The following GALNT13 variants were observed in gnomAD, a reference collection of about 807,000 sequenced individuals.
The protein encoded by GALNT13 is polypeptide N-acetylgalactosaminyltransferase 13, also known as UDP-GalNAc:polypeptide N-acetylgalactosaminyltransferase 13.
In GALNT13, 28 loss-of-function variants were observed where a neutral mutation model predicts 64.2. That is an observed-to-expected ratio of 0.44 (90% confidence interval 0.32 to 0.60). The LOEUF is 0.60. Ranked by LOEUF, GALNT13 falls within the 20% of genes least tolerant of loss-of-function variation. The pLI, the probability that GALNT13 is intolerant of heterozygous loss-of-function variation, is 0.05. For synonymous variants in GALNT13, 214 were observed against 224.6 expected (o/e 0.95, Z 0.42); for missense variants, 577 against 669.8 (o/e 0.86, Z 1.53).
At chr2:154,029,671 A>ATGGGTCTTGTACAT (rs2105302848) in intron 3 of GALNT13, among the ~76,000 whole-genome samples, 1 of 152,308 alleles carries the variant, frequency 6.6e-6, no homozygotes, top group South Asian at 2.1e-4. Context: ...GACGTGTACA[A>ATGGGTCTTGTACAT]TGGCAAGAAA....
chr2:153,180,365 A>G, the GALNT13 span, among the ~76,000 whole-genome samples: 2 of 152,170 alleles, frequency 1.3e-5, no homozygotes, highest in Non-Finnish European at 2.9e-5. Flanking sequence ...CTTGTATCAC[A>G]TGAATAAATC....
chr2:153,964,945 T>C (rs1174446734), intron 3 of GALNT13, among the ~76,000 whole-genome samples: 1 of 152,134 alleles, frequency 6.6e-6, no homozygotes, highest in African/African-American at 2.4e-5. Flanking sequence ...TTGTCATGAA[T>C]TTTCATGTAG....
chr2:154,001,293 T>C (rs1695887214), intron 3 of GALNT13, among the ~76,000 whole-genome samples: 1 of 152,012 alleles, frequency 6.6e-6, no homozygotes, highest in Non-Finnish European at 1.5e-5. Flanking sequence ...TTCAAAGTTA[T>C]TGTTGATAGG....
chr2:153,991,299 T>G (rs1695142359), intron 3 of GALNT13, among the ~76,000 whole-genome samples: 2 of 152,094 alleles, frequency 1.3e-5, no homozygotes. Context: ...CCTGGTCAAA[T>G]CGAAGGATTG....
chr2:154,428,227 T>C (rs1045135538), intron 11 of GALNT13, among the ~76,000 whole-genome samples: 1 of 152,136 alleles, frequency 6.6e-6, no homozygotes, highest in Non-Finnish European at 1.5e-5. Flanking sequence ...TAGTGGCAAA[T>C]AGCAGAGCTT....
intron 3 of GALNT13, among the ~76,000 whole-genome samples, chr2:154,087,917 C>T (rs72870344): frequency 0.072 from 10,891 of 152,138 alleles, 466 homozygotes; most frequent in Middle Eastern, 0.14. Flanking sequence ...ATTTTTGTAG[C>T]ACTTTTGTAG....
At chr2:153,332,222 G>T in the GALNT13 span, among the ~76,000 whole-genome samples, 1 of 151,932 alleles carries the variant, frequency 6.6e-6, no homozygotes, top group South Asian at 2.1e-4. Context: ...TGCTAGCTTT[G>T]GGGTTAGCTT....
chr2:154,130,083 C>T (rs1433927391), intron 3 of GALNT13, among the ~76,000 whole-genome samples: 1 of 152,118 alleles, frequency 6.6e-6, no homozygotes, highest in Non-Finnish European at 1.5e-5. Context: ...CAGTTGCTAG[C>T]ATATCGGTGA....
chr2:153,855,845 T>C, the GALNT13 span, among the ~76,000 whole-genome samples: 12 of 152,150 alleles, frequency 7.9e-5, 1 homozygote. Context: ...AAATGTTGAA[T>C]GGATGAATAA....
At chr2:153,898,856 C>CA (rs35168611) in intron 1 of GALNT13, among the ~76,000 whole-genome samples, 14,134 of 99,198 alleles carry the variant, frequency 0.14, 1,454 homozygotes, top group East Asian at 0.6. Flanking sequence ...AGTTGCACAG[C>CA]AAAAAAAAAA....
At chr2:154,079,380 T>C (rs1234710272) in intron 3 of GALNT13, among the ~76,000 whole-genome samples, 1 of 151,678 alleles carries the variant, frequency 6.6e-6, no homozygotes, top group Non-Finnish European at 1.5e-5. Context: ...GGATATATTA[T>C]GCAAGTAGTC....
At chr2:153,673,543 T>G in the GALNT13 span, among the ~76,000 whole-genome samples, 1 of 152,200 alleles carries the variant, frequency 6.6e-6, no homozygotes, top group Non-Finnish European at 1.5e-5. Context: ...AAAGTAGGTA[T>G]TGATAGAACG....
intron 3 of GALNT13, among the ~76,000 whole-genome samples, chr2:153,982,130 A>G (rs1022517430): frequency 1.3e-5 from 2 of 152,058 alleles, no homozygotes; most frequent in Non-Finnish European, 2.9e-5. Flanking sequence ...TTTTTCTCTC[A>G]TATTTCACTA....
chr2:153,246,106 GA>G, the GALNT13 span, among the ~76,000 whole-genome samples: 11,979 of 147,970 alleles, frequency 0.081, 1,572 homozygotes, highest in African/African-American at 0.28. Flanking sequence ...GAGAAAAAAG[GA>G]AAAAAAAAAT....
At chr2:153,135,044 C>G in the GALNT13 span, among the ~76,000 whole-genome samples, 1 of 152,062 alleles carries the variant, frequency 6.6e-6, no homozygotes, top group Non-Finnish European at 1.5e-5. Flanking sequence ...GTGGCTTAAG[C>G]AACAGAAATT....
the GALNT13 span, among the ~76,000 whole-genome samples, chr2:153,646,696 A>C: frequency 6.6e-6 from 1 of 151,742 alleles, no homozygotes; most frequent in Non-Finnish European, 1.5e-5. Flanking sequence ...CCCGCCTATG[A>C]GTGAGAATAT....
At chr2:154,027,688 G>A (rs1301245366) in intron 3 of GALNT13, among the ~76,000 whole-genome samples, 1 of 151,998 alleles carries the variant, frequency 6.6e-6, no homozygotes, top group East Asian at 1.9e-4. Context: ...CTAGAGTTAA[G>A]AAAAGAATGT....
chr2:154,145,869 T>A (rs760532161), intron 4 of GALNT13, among the ~76,000 whole-genome samples: 1 of 152,044 alleles, frequency 6.6e-6, no homozygotes, highest in Non-Finnish European at 1.5e-5. Flanking sequence ...ATATGATAAA[T>A]GTAGCATTGA....
chr2:153,728,055 C>G, the GALNT13 span, among the ~76,000 whole-genome samples: 9 of 152,150 alleles, frequency 5.9e-5, no homozygotes, highest in African/African-American at 2.2e-4. Flanking sequence ...TCATCCATGT[C>G]TCTGCAAAGG....
Sources: gnomAD v4.1 joint callset for allele counts (sites outside exome capture counted in the v4.1 genomes callset) on GRCh38, gnomAD v4.1.1 for gene constraint, MANE v1.5 for transcripts, NCBI Gene and HGNC (gene_info 2026-07-23, HGNC 2026-07-21) for gene names.